The following CNTNAP2 variants were observed in gnomAD, a reference collection of about 807,000 sequenced individuals.
The protein encoded by CNTNAP2 is contactin-associated protein-like 2.
Under a neutral mutation model 155.2 loss-of-function variants are expected in CNTNAP2, and 98 were observed. That is an observed-to-expected ratio of 0.63 (90% confidence interval 0.54 to 0.75). The LOEUF (loss-of-function observed/expected upper bound fraction) is 0.75, where lower values mean the gene tolerates loss of function less well. CNTNAP2 is among the 30% of genes least tolerant of loss of function. The pLI, the probability that CNTNAP2 is intolerant of heterozygous loss-of-function variation, is 0.00. For synonymous variants in CNTNAP2, 651 were observed against 631.2 expected, an observed-to-expected ratio of 1.03 and a Z score of -0.47; for missense variants, 1,727 against 1,688.1, an observed-to-expected ratio of 1.02 and a Z score of -0.40.
chr7:146,776,428 A>G (rs1035662837), intron 2 of CNTNAP2, among the ~76,000 whole-genome samples: 1 of 152,208 alleles, frequency 6.6e-6, no homozygotes, highest in African/African-American at 2.4e-5. Context: ...ACCAATGAGA[A>G]AATTGAAAGT....
At chr7:146,296,452 G>A (rs10276255) in intron 1 of CNTNAP2, among the ~76,000 whole-genome samples, 5,684 of 152,148 alleles carry the variant, frequency 0.037, 169 homozygotes, top group African/African-American at 0.077. Flanking sequence ...GTATTGACTT[G>A]TTGAGCATCA....
At chr7:146,825,485 T>C (rs1043092552) in intron 2 of CNTNAP2, among the ~76,000 whole-genome samples, 6 of 152,298 alleles carry the variant, frequency 3.9e-5, no homozygotes, top group Non-Finnish European at 8.8e-5. Context: ...AAAAGGCATT[T>C]GAGTTAGATC....
At chr7:147,971,025 T>C (rs1282996273) in intron 14 of CNTNAP2, among the ~76,000 whole-genome samples, 1 of 152,140 alleles carries the variant, frequency 6.6e-6, no homozygotes, top group Non-Finnish European at 1.5e-5. Flanking sequence ...GTGTTTTCTA[T>C]CCAGGAAGAA....
chr7:146,916,909 TAGAC>T (rs1796406194), intron 3 of CNTNAP2, among the ~76,000 whole-genome samples: 1 of 152,196 alleles, frequency 6.6e-6, no homozygotes, highest in African/African-American at 2.4e-5. Flanking sequence ...GGTGTGACCT[TAGAC>T]AGTCTATTTG....
At chr7:146,494,340 A>T (rs567323587) in intron 1 of CNTNAP2, among the ~76,000 whole-genome samples, 7 of 151,048 alleles carry the variant, frequency 4.6e-5, no homozygotes, top group East Asian at 3.9e-4. Flanking sequence ...TGTCTCAAAA[A>T]AAATAAATAA....
At chr7:148,187,144 ACAC>A (rs779882683) in intron 18 of CNTNAP2, among the ~76,000 whole-genome samples, 1,768 of 146,862 alleles carry the variant, frequency 0.012, 24 homozygotes, top group East Asian at 0.03. Flanking sequence ...ACACACACAC[ACAC>A]AAACAGAGCC....
At position 147,733,452 on chromosome 7, in the gene CNTNAP2, A is replaced by G. The variant is rs571322788; in HGVS notation, c.2098+94146A>G. ...GTAGTATAGTTTGAAGTCAGGTAGC[A>G]TGATGCCTCCAGCTTTGTTCTTTTG... is the stretch of plus-strand genomic sequence containing the variant. On this transcript the variant is annotated intron_variant, in intron 13 of 23. Transcript: ENST00000361727. Among the ~76,000 whole-genome samples the G allele has an allele frequency of 2.2e-3, 339 of 152,226 alleles. 1 individual carries two copies. The highest frequency in any genetic ancestry group is 3.4e-3 in the Middle Eastern group (1 of 294).
At chr7:148,223,428 G>A (rs1343707445) in intron 19 of CNTNAP2, among the ~76,000 whole-genome samples, 1 of 152,134 alleles carries the variant, frequency 6.6e-6, no homozygotes, top group Non-Finnish European at 1.5e-5. Flanking sequence ...ATGATGACCA[G>A]GAGAGAATAA....
At chr7:147,663,141 G>C (rs2116955820) in intron 13 of CNTNAP2, among the ~76,000 whole-genome samples, 1 of 151,920 alleles carries the variant, frequency 6.6e-6, no homozygotes, top group East Asian at 2.0e-4. Flanking sequence ...TGGGATTACA[G>C]GTGCCCACAA....
At chr7:147,538,641 T>TTA (rs1305219798) in intron 11 of CNTNAP2, among the ~76,000 whole-genome samples, 2 of 151,990 alleles carry the variant, frequency 1.3e-5, no homozygotes, top group East Asian at 3.9e-4. Flanking sequence ...CAGAGTGAGA[T>TTA]TATATATATA....
intron 12 of CNTNAP2, among the ~76,000 whole-genome samples, chr7:147,602,512 A>G (rs137901680): frequency 0.011 from 1,691 of 151,532 alleles, 42 homozygotes; most frequent in African/African-American, 0.039. Context: ...TTAATACTTT[A>G]AGTTTTAGGG....
chr7:146,664,744 T>A (rs1800161052), intron 1 of CNTNAP2, among the ~76,000 whole-genome samples: 1 of 152,148 alleles, frequency 6.6e-6, no homozygotes, highest in Admixed American at 6.5e-5. Context: ...TTGGAAAAAA[T>A]TCACTATTGA....
intron 3 of CNTNAP2, among the ~76,000 whole-genome samples, chr7:146,842,958 T>C (rs1407734286): frequency 1.4e-5 from 2 of 139,156 alleles, no homozygotes; most frequent in East Asian, 4.4e-4. Context: ...GTGCTGGGAT[T>C]ACAGGCACGA....
intron 1 of CNTNAP2, among the ~76,000 whole-genome samples, chr7:146,744,928 A>T (rs1484106996): frequency 6.6e-6 from 1 of 152,206 alleles, no homozygotes; most frequent in Non-Finnish European, 1.5e-5. Flanking sequence ...GAATATTTGC[A>T]TTATGTAAGC....
intron 1 of CNTNAP2, among the ~76,000 whole-genome samples, chr7:146,637,014 T>G (rs1037405490): frequency 6.6e-6 from 1 of 152,226 alleles, no homozygotes; most frequent in South Asian, 2.1e-4. Flanking sequence ...TTCGCAAATC[T>G]AATATGGTAT....
chr7:147,128,804 G>T lies in CNTNAP2; in HGVS notation c.1051G>T (p.Ala351Ser). ...CAATGGCGTCAACATTACTGATCTT[G>T]CCAGAAGGAAGAAATTAGAGCCCTC... ...NYNGVNITDL[A>S]RRKKLEPSNV... Residue 351 changes from alanine (A) to serine (S), a missense_variant, in exon 7 of 24, where the codon GCC becomes TCC. Physicochemically the swap from Ala to Ser is moderately conservative, Grantham distance 99 (BLOSUM62 1). Coordinates refer to ENST00000361727, the MANE Select transcript of CNTNAP2 (RefSeq NM_014141.6). 1.2e-6 allele frequency: 2 copies of T among 1,614,024 alleles called. No homozygotes were observed. Among genetic ancestry groups the T allele is most frequent in the African/African-American group, 1.3e-5 (1 of 75,016 alleles).
intron 13 of CNTNAP2, among the ~76,000 whole-genome samples, chr7:147,767,513 T>C (rs2116529937): frequency 6.6e-6 from 1 of 152,258 alleles, no homozygotes; most frequent in South Asian, 2.1e-4. Context: ...TTTGCAAATA[T>C]ATTTACTTTC....
chr7:148,049,496 A>T (rs1802843684), intron 15 of CNTNAP2, among the ~76,000 whole-genome samples: 1 of 152,090 alleles, frequency 6.6e-6, no homozygotes, highest in Non-Finnish European at 1.5e-5. Context: ...AACCAACAAA[A>T]TTAAAACTAG....
At chr7:147,216,267 C>T (rs983896629) in intron 8 of CNTNAP2, among the ~76,000 whole-genome samples, 1 of 151,860 alleles carries the variant, frequency 6.6e-6, no homozygotes, top group Non-Finnish European at 1.5e-5. Context: ...AACCTAAGGT[C>T]ATGCAGATTT....
Sources: gnomAD v4.1 joint callset for allele counts (sites outside exome capture counted in the v4.1 genomes callset) on GRCh38, gnomAD v4.1.1 for gene constraint, MANE v1.5 for transcripts, NCBI Gene and HGNC (gene_info 2026-07-23, HGNC 2026-07-21) for gene names.